Variants in PDS5B observed in about 807,000 individuals in gnomAD.
PDS5B encodes the protein PDS5 cohesin associated factor B.
A neutral mutation model predicts 184.1 loss-of-function variants in PDS5B; 51 were observed. That is an observed-to-expected ratio of 0.28 (90% CI 0.22 to 0.35). The LOEUF (loss-of-function observed/expected upper bound fraction) is 0.35. Ranked by LOEUF, PDS5B falls within the 10% of genes least tolerant of loss-of-function variation. PDS5B has a pLI of 1.00. For missense variants in PDS5B, 1,180 were observed against 1,723.3 expected, an observed-to-expected ratio of 0.68 and a Z score of 5.58; for synonymous variants, 566 against 569.2, an observed-to-expected ratio of 0.99 and a Z score of 0.08.
At chr13:32,702,970 A>G (rs1951904637) in intron 17 of PDS5B, among the ~76,000 whole-genome samples, 1 of 152,196 alleles carries the variant, frequency 6.6e-6, no homozygotes, top group Admixed American at 6.5e-5. Flanking sequence ...TTTTAAAACA[A>G]CAACCTAAAA....
intron 15 of PDS5B, among the ~76,000 whole-genome samples, chr13:32,697,794 T>A (rs1486883054): frequency 6.6e-6 from 1 of 152,214 alleles, no homozygotes; most frequent in East Asian, 1.9e-4. Context: ...CAAAGCTATC[T>A]TGACCTCCTG....
intron 11 of PDS5B, among the ~76,000 whole-genome samples, chr13:32,685,436 TC>T (rs1278474753): frequency 6.6e-6 from 1 of 152,194 alleles, no homozygotes; most frequent in Non-Finnish European, 1.5e-5. Flanking sequence ...ATTGTTGGGA[TC>T]ATAATGTATA....
chr13:32,714,458 A>T (rs1336997916), intron 19 of PDS5B, among the ~76,000 whole-genome samples: 10 of 152,180 alleles, frequency 6.6e-5, no homozygotes, highest in African/African-American at 2.2e-4. Context: ...AAAATTTATT[A>T]GGCAGGAATT....
At chr13:32,620,099 C>G (rs566849880) in intron 1 of PDS5B, among the ~76,000 whole-genome samples, 6 of 152,200 alleles carry the variant, frequency 3.9e-5, no homozygotes, top group Admixed American at 3.9e-4. Flanking sequence ...GCACCCGGCC[C>G]TGGTTAGATT....
chr13:32,639,783 T>C (rs910195654), intron 1 of PDS5B, among the ~76,000 whole-genome samples: 3 of 152,252 alleles, frequency 2.0e-5, no homozygotes, highest in Non-Finnish European at 2.9e-5. Context: ...CAAAATCTTA[T>C]GTTTTCCTTT....
At chr13:32,639,079 A>G (rs555430938) in intron 1 of PDS5B, among the ~76,000 whole-genome samples, 1 of 132,594 alleles carries the variant, frequency 7.5e-6, no homozygotes, top group Non-Finnish European at 1.5e-5. Context: ...TTGACTACTG[A>G]GCAGAGAAAT....
intron 1 of PDS5B, among the ~76,000 whole-genome samples, chr13:32,637,885 A>G (rs922421451): frequency 6.6e-6 from 1 of 152,236 alleles, no homozygotes; most frequent in Admixed American, 6.5e-5. Context: ...CTTTTACTGC[A>G]TAACAAATCA....
intron 3 of PDS5B, among the ~76,000 whole-genome samples, chr13:32,656,273 CTTTTT>C (rs71071057): frequency 3.1e-5 from 3 of 96,790 alleles, no homozygotes; most frequent in East Asian, 3.2e-4. Context: ...TCTCCAGCTT[CTTTTT>C]TTTTTTTTTT....
chr13:32,759,027 G>C (rs764638395), intron 28 of PDS5B, among the ~76,000 whole-genome samples: 10 of 152,104 alleles, frequency 6.6e-5, no homozygotes, highest in Admixed American at 1.3e-4. Flanking sequence ...ACAGACACTA[G>C]AACATGCCTA....
intron 1 of PDS5B, among the ~76,000 whole-genome samples, chr13:32,618,067 A>G (rs1466440787): frequency 2.6e-5 from 4 of 152,182 alleles, no homozygotes; most frequent in African/African-American, 9.7e-5. Flanking sequence ...GAAGGGCCAG[A>G]TAGCCAAACG....
Position 32,632,591 on chromosome 13 carries a change from G to T in PDS5B, c.-19-16163G>T, listed in dbSNP as rs80193183. ...TGCTGCTGTGAGAAACAGTTTGGTG[G>T]TTCTTCAAAAAGCTAATCATAAAGT... On this transcript the variant is annotated intron_variant, in intron 1 of 34. Transcript: ENST00000315596. 6.1e-3 allele frequency among the ~76,000 whole-genome samples: 929 copies of T among 152,306 alleles called. 16 individuals are homozygous for T. The highest frequency in any genetic ancestry group is 0.022 in the African/African-American group (896 of 41,552).
chr13:32,755,441 G>A (rs1481226345), intron 25 of PDS5B, among the ~76,000 whole-genome samples: 1 of 151,930 alleles, frequency 6.6e-6, no homozygotes, highest in Non-Finnish European at 1.5e-5. Context: ...ATTTTGCTCA[G>A]CAGCTTACAA....
chr13:32,775,024 G>A lies in PDS5B; in HGVS notation c.4316G>A (p.Arg1439Gln), dbSNP rs776207788. Residue 1439 changes from arginine to glutamine, a missense_variant, in exon 35 of 35, where the codon CGG becomes CAG. Arg to Gln is a conservative substitution (Grantham distance 43, BLOSUM62 1). This residue lies in a region of PDS5B where 465 missense variants were observed against 497.8 expected (regional missense o/e 0.93). Transcript: ENST00000315596. ...EEEVSTVNVRRRSAKRERR is the reference protein window; with the variant it reads ...EEEVSTVNVRQRSAKRERR ...GGTGACTTTCCTTTTAAGGTACGGC[G>A]GCGAAGTGCTAAAAGGGAACGGCGA... The A allele has an allele frequency of 5.0e-6, 8 of 1,612,636 alleles. No individual in the cohort carries two copies. Among genetic ancestry groups the A allele is most frequent in the South Asian group, 3.3e-5 (3 of 91,028 alleles).
chr13:32,766,440 G>A (rs1335124912), intron 31 of PDS5B, among the ~76,000 whole-genome samples: 2 of 152,176 alleles, frequency 1.3e-5, no homozygotes, highest in African/African-American at 4.8e-5. Flanking sequence ...TTTGCTATTT[G>A]TTGTGGCATG....
At position 32,712,242 on chromosome 13, in the gene PDS5B, A is replaced by G. The variant is rs189966708; in HGVS notation, c.2123+2136A>G. 4.6e-3 allele frequency among the ~76,000 whole-genome samples: 697 copies of G among 152,360 alleles called. 3 individuals carry two copies. The highest frequency in any genetic ancestry group is 0.016 in the South Asian group (75 of 4,828). On this transcript the variant is annotated intron_variant, in intron 19 of 34. Transcript: ENST00000315596. ...GGACATTTTAAAATGTACATGGAGC[A>G]TTTTAAAATGTATTGCTTTAATATG...
chr13:32,718,373 A>G (rs1490951727), intron 19 of PDS5B, among the ~76,000 whole-genome samples: 1 of 152,128 alleles, frequency 6.6e-6, no homozygotes, highest in Non-Finnish European at 1.5e-5. Context: ...GATGCTCTCG[A>G]TCTCCTGACC....
chr13:32,688,798 T>C lies in PDS5B; in HGVS notation c.1469+229T>C, dbSNP rs1593432050. 1.5e-5 allele frequency: 7 copies of C among 453,276 alleles called. No individual in the cohort carries two copies. In the East Asian group the frequency reaches 2.6e-4, roughly 17 times the overall value. 28.1% of individuals were successfully genotyped at this position (453,276 alleles called of 1,614,324 possible). A position where few individuals can be genotyped will look rare whatever the true frequency, so the allele number is the denominator to read the frequency against. On this transcript the variant is annotated intron_variant, in intron 13 of 34. Transcript: ENST00000315596. ...ATAGAGCTGATTGACATGAAATCTT[T>C]TAGGATTTGAGTTTTCTATTCATAT...
At chr13:32,734,055 T>A (rs1953228273) in intron 20 of PDS5B, among the ~76,000 whole-genome samples, 1 of 150,326 alleles carries the variant, frequency 6.7e-6, no homozygotes, top group Admixed American at 6.6e-5. Context: ...TGAGATAGAG[T>A]CTTGCTCTGT....
At chr13:32,633,020 T>C (rs1412174095) in intron 1 of PDS5B, among the ~76,000 whole-genome samples, 1 of 152,214 alleles carries the variant, frequency 6.6e-6, no homozygotes. Context: ...TGATAAGTGC[T>C]GTAACAGGAT....
Sources: gnomAD v4.1 joint callset for allele counts (sites outside exome capture counted in the v4.1 genomes callset) on GRCh38, gnomAD v4.1.1 for gene constraint, gnomAD v4.1.1 regional missense constraint, MANE v1.5 for transcripts, NCBI Gene and HGNC (gene_info 2026-07-23, HGNC 2026-07-21) for gene names.